KNTC1: variants seen among roughly 807,000 people sequenced by gnomAD.
KNTC1 encodes the protein kinetochore associated 1.
KNTC1 carries 253 observed loss-of-function variants against 314.4 expected under a neutral mutation model. The observed-to-expected ratio is 0.80, with a 90% CI of 0.73 to 0.89. The LOEUF is 0.89. Among genes scored for constraint, KNTC1 ranks in the 40% least tolerant of loss-of-function variants. KNTC1 has a pLI of 0.00. For missense variants in KNTC1, 2,475 were observed against 2,572.9 expected, an observed-to-expected ratio of 0.96 and a Z score of 0.82; for synonymous variants, 901 against 901.4, an observed-to-expected ratio of 1.00 and a Z score of 0.01.
intron 52 of KNTC1, among the ~76,000 whole-genome samples, chr12:122,609,769 C>A (rs2138146320): frequency 6.6e-6 from 1 of 152,246 alleles, no homozygotes; most frequent in South Asian, 2.1e-4. Flanking sequence ...TGGGTTGGTT[C>A]AGATATGGGC....
intron 62 of KNTC1, among the ~76,000 whole-genome samples, chr12:122,623,157 G>C (rs1180873899): frequency 2.0e-5 from 3 of 152,130 alleles, no homozygotes; most frequent in Non-Finnish European, 4.4e-5. Flanking sequence ...TCACAGCCCT[G>C]TTCTAAATCC....
chr12:122,580,674 A>C lies in KNTC1; in HGVS notation c.2982+4A>C. 6.5e-7 allele frequency: 1 copy of C among 1,542,652 alleles called. No homozygotes were observed. The highest frequency in any genetic ancestry group is 8.8e-7 in the Non-Finnish European group (1 of 1,134,336). On this transcript the variant is annotated splice_donor_region_variant and intron_variant, in intron 33 of 63. Coordinates refer to ENST00000333479, the MANE Select transcript of KNTC1 (RefSeq NM_014708.6). ...TAAAGAGGTTGCTAGCTTACAGGTA[A>C]ACATATTGAGCCATGTTAAACATTA... is the stretch of plus-strand genomic sequence containing the variant.
chr12:122,592,286 C>T (rs999323596), intron 42 of KNTC1, among the ~76,000 whole-genome samples: 2 of 152,246 alleles, frequency 1.3e-5, no homozygotes, highest in Admixed American at 6.5e-5. Flanking sequence ...GACTGCAGCC[C>T]GCCATGCCTG....
intron 60 of KNTC1, among the ~76,000 whole-genome samples, chr12:122,621,470 C>T (rs1010867476): frequency 2.0e-5 from 3 of 152,062 alleles, no homozygotes; most frequent in South Asian, 4.1e-4. Flanking sequence ...AAGTAGCTGA[C>T]GTTACGGGCT....
rs1006344631 is a variant in KNTC1, at chr12:122,549,818, T to A, written c.1040T>A (p.Leu347Ter). The change falls in exon 13 of 64, where the codon TTG (leucine) becomes TAG (stop). Residue 347 changes from leucine to a stop codon, truncating the protein, a stop_gained. Coordinates refer to ENST00000333479, the MANE Select transcript of KNTC1 (RefSeq NM_014708.6). LOFTEE classifies it high-confidence loss of function. ...CCTACAATGGAAATACTATATTCTT[T>A]GGAAGTATCTAGTGTTTCTTCTCTG... ...SLPTMEILYSLEVSSVSSLVQ... is the reference protein window; with the variant it reads ...SLPTMEILYS 8 of 1,572,954 alleles carry A rather than the reference T, an allele frequency of 5.1e-6. No individual in the cohort carries two copies. The highest frequency in any genetic ancestry group is 6.1e-6 in the Non-Finnish European group (7 of 1,151,992).
In KNTC1 at chr12:122,536,501, C is replaced by T. The variant is rs527779025; in HGVS notation, c.250+1717C>T. On this transcript the variant is annotated intron_variant, in intron 3 of 63. Transcript: ENST00000333479. ...CCTCCTGAAGTGTTGGGATTACAGACGTGAGCCACCGTGCCAGGCCTTTTT... is the reference window on the plus strand; with the variant it reads ...CCTCCTGAAGTGTTGGGATTACAGATGTGAGCCACCGTGCCAGGCCTTTTT... 9.9e-5 allele frequency among the ~76,000 whole-genome samples: 15 copies of T among 150,876 alleles called. 1 individual carries two copies. The South Asian group carries it at 3.1e-3, about 32-fold the overall frequency.
rs1053215792 is a variant in KNTC1, at chr12:122,546,159, T to G, written c.670-17T>G. The G allele has an allele frequency of 1.3e-6, 2 of 1,507,344 alleles. No homozygotes were observed. The highest frequency in any genetic ancestry group is 1.7e-5 in the Admixed American group (1 of 59,780). 93.4% of individuals were successfully genotyped at this position (1,507,344 alleles called of 1,614,324 possible). On this transcript the variant is annotated splice_polypyrimidine_tract_variant and intron_variant, in intron 8 of 63. Coordinates refer to ENST00000333479, the MANE Select transcript of KNTC1 (RefSeq NM_014708.6). ...AGAATGAAATTTGCATTTTAAGTACTGTGTTCATTTTTCCAGGGAACCGGT... is the reference window on the plus strand; with the variant it reads ...AGAATGAAATTTGCATTTTAAGTACGGTGTTCATTTTTCCAGGGAACCGGT...
chr12:122,563,925 C>G (rs1187278174), intron 20 of KNTC1, among the ~76,000 whole-genome samples: 2 of 152,126 alleles, frequency 1.3e-5, no homozygotes, highest in African/African-American at 4.8e-5. Flanking sequence ...TTACCTCTTT[C>G]TTTTCTATTT....
At chr12:122,538,236 C>T (rs1962002454) in intron 3 of KNTC1, 103 bp from the exon 4 acceptor site, 1 of 648,032 alleles carries the variant, frequency 1.5e-6, no homozygotes, top group African/African-American at 1.8e-5. Flanking sequence ...TTAGAAGTAA[C>T]TTAAGTAATC....
chr12:122,594,171 T>G (rs990950394), intron 42 of KNTC1, 105 bp from the exon 43 acceptor site: 4 of 675,610 alleles, frequency 5.9e-6, no homozygotes, highest in Non-Finnish European at 1.0e-5. Flanking sequence ...CAAATGTTTC[T>G]TTTTGAAAAA....
chr12:122,605,966 C>G (rs1036086636), intron 51 of KNTC1, among the ~76,000 whole-genome samples: 8 of 152,070 alleles, frequency 5.3e-5, no homozygotes, highest in African/African-American at 1.9e-4. Context: ...CCTCAGCCTC[C>G]CGAGTAGCTG....
rs547288423 is a variant in KNTC1 at position 122,545,948 on chromosome 12, A to AT, written c.670-226dup. On this transcript the variant is annotated intron_variant, in intron 8 of 63. Transcript: ENST00000333479. Reference sequence around the variant, plus strand: ...GCAATGGAGTGAGACCCTGTCTCAAATTAAAAAAAAAAAAAAAATTGTAAT... The same window carrying AT: ...GCAATGGAGTGAGACCCTGTCTCAAATTTAAAAAAAAAAAAAAAATTGTAAT... 6.9e-3 allele frequency among the ~76,000 whole-genome samples: 517 copies of AT among 75,190 alleles called. 5 individuals are homozygous for AT. Among genetic ancestry groups the AT allele is most frequent in the South Asian group, 0.066 (155 of 2,366 alleles). The allele number at this position is 75,190 out of a possible 152,430, so 49.3% of individuals were successfully genotyped here.
At position 122,585,666 on chromosome 12, in the gene KNTC1, G is replaced by A; in HGVS notation, c.3565G>A (p.Glu1189Lys). 2.5e-6 allele frequency: 4 copies of A among 1,613,910 alleles called. No homozygotes were observed. Among genetic ancestry groups the A allele is most frequent in the Non-Finnish European group, 3.4e-6 (4 of 1,179,814 alleles). Residue 1189 changes from glutamate (E) to lysine (K), a missense_variant, in exon 37 of 64, where the codon GAA becomes AAA. By Grantham distance (56) the Glu-to-Lys change is moderately conservative (BLOSUM62 1). Coordinates refer to ENST00000333479, the MANE Select transcript of KNTC1 (RefSeq NM_014708.6). The part of the protein sequence containing the change: ...ASFGTHKDPY[E>K]EWSYSDFFSE... ...TTTTGGGACACATAAAGATCCATAT[G>A]AAGAGTGGTCTTACAGTGACTTCTT...
intron 20 of KNTC1, among the ~76,000 whole-genome samples, chr12:122,566,497 C>A (rs1964352401): frequency 6.6e-6 from 1 of 151,528 alleles, no homozygotes. Flanking sequence ...GCAACTTCCG[C>A]CTCCTATATT....
At chr12:122,536,174 A>G (rs950214869) in intron 3 of KNTC1, among the ~76,000 whole-genome samples, 1 of 150,550 alleles carries the variant, frequency 6.6e-6, no homozygotes, top group Non-Finnish European at 1.5e-5. Context: ...AAGTGCTGGG[A>G]TTATAGGCAT....
At position 122,575,875 on chromosome 12, in the gene KNTC1, A is replaced by G. The variant is rs1480502705; in HGVS notation, c.2562A>G (p.Val854=). ...KLLRGYGIRE[V]NLLNKEIMRV... is the part of the protein sequence containing the mutation. ...TACGAGGCTATGGAATAAGAGAGGTAAATCTCTTAAACAAGGAAATAATGG... is the reference window on the plus strand; with the variant it reads ...TACGAGGCTATGGAATAAGAGAGGTGAATCTCTTAAACAAGGAAATAATGG... Residue 854 remains valine (V), a synonymous_variant, in exon 29 of 64, where the codon GTA becomes GTG. Transcript: ENST00000333479. The G allele has an allele frequency of 3.1e-6, 5 of 1,612,452 alleles. No homozygotes were observed. Among genetic ancestry groups the G allele is most frequent in the Admixed American group, 1.7e-5 (1 of 59,690 alleles).
chr12:122,583,780 C>T (rs1285828822), intron 34 of KNTC1, among the ~76,000 whole-genome samples: 2 of 151,916 alleles, frequency 1.3e-5, no homozygotes, highest in Non-Finnish European at 2.9e-5. Context: ...GAGCCCAGAT[C>T]GTGCCATTGC....
chr12:122,587,447 A>G (rs1390725328), intron 38 of KNTC1, among the ~76,000 whole-genome samples: 2 of 152,214 alleles, frequency 1.3e-5, no homozygotes, highest in Non-Finnish European at 2.9e-5. Flanking sequence ...ATTTGTTTAT[A>G]AATTTTTATC....
intron 24 of KNTC1, among the ~76,000 whole-genome samples, chr12:122,571,945 T>C (rs541765225): frequency 6.6e-6 from 1 of 152,218 alleles, no homozygotes; most frequent in Admixed American, 6.5e-5. Context: ...AGTGCTGGAT[T>C]ACAGGCATGA....
Sources: gnomAD v4.1 joint callset for allele counts (sites outside exome capture counted in the v4.1 genomes callset) on GRCh38, gnomAD v4.1.1 for gene constraint, MANE v1.5 for transcripts, NCBI Gene and HGNC (gene_info 2026-07-23, HGNC 2026-07-21) for gene names.